The following GALNT17 variants were observed in gnomAD, a reference collection of about 807,000 sequenced individuals.
The protein encoded by GALNT17 is UDP-GalNAc:polypeptide N-acetylgalactosaminyltransferase-like 3.
A neutral mutation model predicts 63.7 loss-of-function variants in GALNT17; 29 were observed. The ratio of observed to expected loss-of-function variants is 0.46; its 90% CI spans 0.34 to 0.62. The LOEUF (loss-of-function observed/expected upper bound fraction) is 0.62, where lower values mean the gene tolerates loss of function less well. GALNT17 is among the 20% of genes least tolerant of loss of function. The pLI is 0.01. For synonymous variants in GALNT17, 305 were observed against 318.3 expected (o/e 0.96, Z 0.45); for missense variants, 603 against 799.6 (o/e 0.75, Z 2.97).
intron 1 of GALNT17, among the ~76,000 whole-genome samples, chr7:71,313,492 G>A (rs923871713): frequency 3.9e-5 from 6 of 152,172 alleles, no homozygotes; most frequent in South Asian, 2.1e-4. Context: ...CCAACTGTCC[G>A]TAGCAACAAA....
At chr7:71,419,316 G>A (rs930472627) in intron 4 of GALNT17, among the ~76,000 whole-genome samples, 2 of 152,112 alleles carry the variant, frequency 1.3e-5, no homozygotes, top group African/African-American at 4.8e-5. Context: ...CCTGGGGCAA[G>A]CTACTTAACC....
chr7:71,360,580 G>A (rs527765688), intron 2 of GALNT17, among the ~76,000 whole-genome samples: 295 of 152,290 alleles, frequency 1.9e-3, no homozygotes, highest in Non-Finnish European at 3.5e-3. Context: ...ATATCACATT[G>A]CCATTGTTCC....
intron 6 of GALNT17, among the ~76,000 whole-genome samples, chr7:71,650,552 T>C (rs569807433): frequency 6.6e-6 from 1 of 152,324 alleles, no homozygotes; most frequent in African/African-American, 2.4e-5. Context: ...TTATGCTCTT[T>C]AAAGGATGTG....
In GALNT17 at chr7:71,612,410, C is replaced by T. The variant is rs1394262674; in HGVS notation, c.1080+41008C>T. 3.3e-5 allele frequency among the ~76,000 whole-genome samples: 5 copies of T among 152,264 alleles called. No homozygotes were observed. The East Asian group carries it at 7.7e-4, about 24-fold the overall frequency. ...CATAATTACTCTGCCTGCATTGCAA[C>T]GTGGACCACCAGCATCCAGCTCCAC... On this transcript the variant is annotated intron_variant, in intron 6 of 10. Coordinates refer to ENST00000333538, the MANE Select transcript of GALNT17 (RefSeq NM_022479.3).
intron 5 of GALNT17, among the ~76,000 whole-genome samples, chr7:71,514,128 A>T (rs1354299765): frequency 1.3e-5 from 2 of 152,176 alleles, no homozygotes; most frequent in African/African-American, 4.8e-5. Context: ...CCAGGAGGTC[A>T]AGGATGCAGT....
intron 5 of GALNT17, among the ~76,000 whole-genome samples, chr7:71,524,172 T>C (rs1788583580): frequency 6.7e-6 from 1 of 149,908 alleles, no homozygotes; most frequent in South Asian, 2.1e-4. Flanking sequence ...TTTAATAGTT[T>C]TAGTTCTATT....
intron 6 of GALNT17, among the ~76,000 whole-genome samples, chr7:71,607,580 T>A (rs996954666): frequency 6.6e-6 from 1 of 152,228 alleles, no homozygotes. Flanking sequence ...ACTATTTGTT[T>A]GTTGTTAATT....
At chr7:71,414,771 C>G (rs1793494481) in intron 3 of GALNT17, among the ~76,000 whole-genome samples, 2 of 152,200 alleles carry the variant, frequency 1.3e-5, no homozygotes, top group Non-Finnish European at 1.5e-5. Flanking sequence ...CCTGAACTTA[C>G]AGAGATTCCT....
At chr7:71,270,000 C>CCT (rs1790557415) in intron 1 of GALNT17, among the ~76,000 whole-genome samples, 1 of 152,096 alleles carries the variant, frequency 6.6e-6, no homozygotes, top group African/African-American at 2.4e-5. Context: ...GTGTGTGACA[C>CCT]CTCTCTCTCT....
intron 5 of GALNT17, among the ~76,000 whole-genome samples, chr7:71,440,211 C>T (rs1041059870): frequency 6.6e-6 from 1 of 151,818 alleles, no homozygotes; most frequent in African/African-American, 2.4e-5. Flanking sequence ...CTTCTTCTGC[C>T]CTTTCTTTTT....
At chr7:71,646,398 C>T (rs1319881292) in intron 6 of GALNT17, among the ~76,000 whole-genome samples, 2 of 152,210 alleles carry the variant, frequency 1.3e-5, no homozygotes, top group Non-Finnish European at 2.9e-5. Flanking sequence ...GGAGCACCAG[C>T]AGCCCCAGCC....
In GALNT17 at chr7:71,132,721, C is replaced by T; in HGVS notation, c.-82C>T. 1 of 1,222,410 alleles carries T rather than the reference C, an allele frequency of 8.2e-7. No individual in the cohort carries two copies. The highest frequency in any genetic ancestry group is 1.1e-6 in the Non-Finnish European group (1 of 882,142). 75.7% of individuals were successfully genotyped at this position (1,222,410 alleles called of 1,614,324 possible). A position where few individuals can be genotyped will look rare whatever the true frequency, so the allele number is the denominator to read the frequency against. On this transcript the variant is annotated 5_prime_UTR_variant, in exon 1 of 11. Transcript: ENST00000333538. Reference sequence around the variant, plus strand: ...CCTGCCGGCCGTCTGGTGTGTGAGGCTTGCACGGCCCCTGGCTGCCCCGCG... The same window carrying T: ...CCTGCCGGCCGTCTGGTGTGTGAGGTTTGCACGGCCCCTGGCTGCCCCGCG...
intron 2 of GALNT17, among the ~76,000 whole-genome samples, chr7:71,372,036 A>G (rs187560240): frequency 1.4e-4 from 22 of 152,356 alleles, no homozygotes; most frequent in Non-Finnish European, 2.9e-4. Context: ...GCTGGAGTGC[A>G]GTGGTGCCAT....
At chr7:71,582,791 C>G (rs558809460) in intron 6 of GALNT17, among the ~76,000 whole-genome samples, 1 of 151,988 alleles carries the variant, frequency 6.6e-6, no homozygotes, top group East Asian at 1.9e-4. Context: ...ATAAGAGTAA[C>G]ACAATGGACT....
At chr7:71,450,956 G>GT (rs1787251897) in intron 5 of GALNT17, among the ~76,000 whole-genome samples, 1 of 145,678 alleles carries the variant, frequency 6.9e-6, no homozygotes, top group Non-Finnish European at 1.5e-5. Flanking sequence ...TATACTCTAA[G>GT]TTCTAGGGTA....
chr7:71,576,156 A>G (rs1366167707), intron 6 of GALNT17, among the ~76,000 whole-genome samples: 1 of 152,188 alleles, frequency 6.6e-6, no homozygotes, highest in East Asian at 1.9e-4. Context: ...GTTCTCTTAT[A>G]TAAAAACATG....
At chr7:71,267,673 A>G (rs1480770487) in intron 1 of GALNT17, among the ~76,000 whole-genome samples, 1 of 151,556 alleles carries the variant, frequency 6.6e-6, no homozygotes, top group African/African-American at 2.4e-5. Flanking sequence ...CCTTACAGCC[A>G]TGGAGAACAG....
chr7:71,686,792 G>C (rs531392435), intron 9 of GALNT17, among the ~76,000 whole-genome samples: 1 of 152,180 alleles, frequency 6.6e-6, no homozygotes, highest in Admixed American at 6.6e-5. Context: ...AACCTAACAC[G>C]TTCCTGCAAA....
At chr7:71,168,914 A>G (rs914024833) in intron 1 of GALNT17, among the ~76,000 whole-genome samples, 1 of 152,058 alleles carries the variant, frequency 6.6e-6, no homozygotes, top group African/African-American at 2.4e-5. Context: ...GTATTGTTGA[A>G]TTTGATTGCT....
Sources: allele counts gnomAD v4.1 joint callset (sites outside exome capture counted in the v4.1 genomes callset), GRCh38; gene constraint gnomAD v4.1.1; transcripts MANE v1.5; gene names NCBI Gene and HGNC (gene_info 2026-07-23, HGNC 2026-07-21).